The following NRG1 variants were observed in gnomAD, a reference collection of about 807,000 sequenced individuals.
NRG1 encodes the protein neuregulin 1, also known as pro-neuregulin-1, membrane-bound isoform.
In NRG1, 18 loss-of-function variants were observed where a neutral mutation model predicts 63.8. The ratio of observed to expected loss-of-function variants is 0.28; its 90% CI spans 0.19 to 0.42. NRG1 has a LOEUF of 0.42. NRG1 is among the 10% of genes least tolerant of loss of function. The pLI is 1.00. For missense variants in NRG1, 762 were observed against 814.7 expected (o/e 0.94, Z 0.79); for synonymous variants, 302 against 301.3 (o/e 1.00, Z -0.02).
At chr8:31,760,954 A>G (rs1228640276) in intron 1 of NRG1, among the ~76,000 whole-genome samples, 1 of 152,184 alleles carries the variant, frequency 6.6e-6, no homozygotes, top group Non-Finnish European at 1.5e-5. Context: ...ATTACTGGGT[A>G]TATACCCAAA....
intron 1 of NRG1, among the ~76,000 whole-genome samples, chr8:32,447,891 C>T (rs117929068): frequency 0.013 from 2,037 of 151,316 alleles, 20 homozygotes; most frequent in Non-Finnish European, 0.023. Context: ...TTTTCTATAA[C>T]GGATTGCATG....
chr8:31,918,490 A>G (rs1323498346), intron 1 of NRG1, among the ~76,000 whole-genome samples: 2 of 152,150 alleles, frequency 1.3e-5, no homozygotes. Flanking sequence ...CTCTGTTTAT[A>G]TGCTGGATTA....
At chr8:31,882,189 A>G (rs1324069553) in intron 1 of NRG1, among the ~76,000 whole-genome samples, 1 of 152,020 alleles carries the variant, frequency 6.6e-6, no homozygotes, top group Non-Finnish European at 1.5e-5. Flanking sequence ...TGAAAATCTT[A>G]GGGCCCTTAA....
intron 5 of NRG1, chr8:32,647,114 C>T (rs937256026): frequency 3.0e-6 from 3 of 985,282 alleles, no homozygotes; most frequent in Admixed American, 1.2e-4. Flanking sequence ...GCCCTCTGAT[C>T]CTGTTTGCAG....
chr8:32,130,571 G>T (rs1381802056), intron 1 of NRG1, among the ~76,000 whole-genome samples: 1 of 151,846 alleles, frequency 6.6e-6, no homozygotes, highest in African/African-American at 2.4e-5. Flanking sequence ...AACAATCCCT[G>T]CAAGGAACCA....
At chr8:32,683,263 G>A (rs1212886426) in intron 5 of NRG1, among the ~76,000 whole-genome samples, 9 of 152,168 alleles carry the variant, frequency 5.9e-5, no homozygotes, top group Admixed American at 5.9e-4. Flanking sequence ...TTCAGGGCTT[G>A]TGTTGATGTA....
chr8:32,337,446 G>A (rs1175953578), intron 1 of NRG1, among the ~76,000 whole-genome samples: 1 of 151,874 alleles, frequency 6.6e-6, no homozygotes, highest in African/African-American at 2.4e-5. Context: ...GAGTGAGGGA[G>A]CATTTAGTTT....
chr8:32,684,856 G>GAA (rs35090539), intron 5 of NRG1, among the ~76,000 whole-genome samples: 13,908 of 151,656 alleles, frequency 0.092, 687 homozygotes, highest in African/African-American at 0.11. Flanking sequence ...ATATTTTCAG[G>GAA]AAAAAAAACG....
At chr8:32,640,501 T>G (rs1202412423) in intron 5 of NRG1, among the ~76,000 whole-genome samples, 2 of 152,090 alleles carry the variant, frequency 1.3e-5, no homozygotes, top group Non-Finnish European at 2.9e-5. Context: ...GCTGACATTC[T>G]GGTATTGAGT....
At chr8:32,502,045 C>T (rs1354262048) in intron 1 of NRG1, among the ~76,000 whole-genome samples, 6 of 152,146 alleles carry the variant, frequency 3.9e-5, no homozygotes, top group Admixed American at 1.3e-4. Context: ...CTGTATTAGT[C>T]CATTCTTGCA....
At chr8:32,298,802 G>C (rs1855228227) in intron 1 of NRG1, among the ~76,000 whole-genome samples, 1 of 151,306 alleles carries the variant, frequency 6.6e-6, no homozygotes, top group Non-Finnish European at 1.5e-5. Flanking sequence ...GCCAAGGCGG[G>C]CGGATCATGA....
chr8:31,977,757 C>T (rs779985349), intron 1 of NRG1, among the ~76,000 whole-genome samples: 10 of 152,106 alleles, frequency 6.6e-5, no homozygotes, highest in Non-Finnish European at 1.0e-4. Context: ...CAAAGTCTTT[C>T]ACCAGGTATC....
At chr8:31,872,730 C>T (rs1829594305) in intron 1 of NRG1, among the ~76,000 whole-genome samples, 1 of 152,142 alleles carries the variant, frequency 6.6e-6, no homozygotes, top group Non-Finnish European at 1.5e-5. Flanking sequence ...AACAGGAATA[C>T]AGAGTTCATC....
intron 5 of NRG1, among the ~76,000 whole-genome samples, chr8:32,642,919 A>G (rs2129546012): frequency 6.6e-6 from 1 of 152,364 alleles, no homozygotes; most frequent in Admixed American, 6.5e-5. Flanking sequence ...GCTACCGTAC[A>G]TTCTTCTGAT....
chr8:32,250,755 A>G (rs1172445865), intron 1 of NRG1, among the ~76,000 whole-genome samples: 2 of 152,038 alleles, frequency 1.3e-5, no homozygotes, highest in African/African-American at 4.8e-5. Context: ...TCACACAAGT[A>G]TATGGCAGAT....
intron 1 of NRG1, among the ~76,000 whole-genome samples, chr8:31,789,649 G>C (rs1222105674): frequency 1.3e-5 from 2 of 152,140 alleles, no homozygotes; most frequent in Admixed American, 6.5e-5. Context: ...CAGTGTGATG[G>C]TTGAGGATGG....
downstream of NRG1, among the ~76,000 whole-genome samples, chr8:32,771,715 A>AAATATATATATAT (rs1343943621): frequency 1.8e-5 from 2 of 111,846 alleles, no homozygotes; most frequent in African/African-American, 6.9e-5. Flanking sequence ...TTAAAAAAAA[A>AAATATATATATAT]ATATATATAT....
At chr8:32,537,486 A>C (rs144614508) in intron 1 of NRG1, among the ~76,000 whole-genome samples, 2 of 152,288 alleles carry the variant, frequency 1.3e-5, no homozygotes, top group East Asian at 3.9e-4. Flanking sequence ...TTACCTTTTC[A>C]CTAATTACTG....
intron 1 of NRG1, among the ~76,000 whole-genome samples, chr8:32,429,333 C>A (rs1326056151): frequency 6.6e-6 from 1 of 152,162 alleles, no homozygotes; most frequent in Admixed American, 6.5e-5. Context: ...TTTTCAGACC[C>A]TGGTTTCCTA....
Sources: gnomAD v4.1 joint callset for allele counts (sites outside exome capture counted in the v4.1 genomes callset) on GRCh38, gnomAD v4.1.1 for gene constraint, MANE v1.5 for transcripts, NCBI Gene and HGNC (gene_info 2026-07-23, HGNC 2026-07-21) for gene names.